Variants in SEMA6D observed in about 807,000 individuals in gnomAD.
SEMA6D encodes the protein semaphorin 6D.
In SEMA6D, 35 loss-of-function variants were observed where a neutral mutation model predicts 106.6. The ratio of observed to expected loss-of-function variants is 0.33; its 90% CI spans 0.25 to 0.44. The LOEUF is 0.44. Ranked by LOEUF, SEMA6D falls within the 20% of genes least tolerant of loss-of-function variation. The pLI is 1.00. For missense variants in SEMA6D, 1,185 were observed against 1,345.9 expected, an observed-to-expected ratio of 0.88 and a Z score of 1.87; for synonymous variants, 499 against 487.7, an observed-to-expected ratio of 1.02 and a Z score of -0.31.
intron 1 of SEMA6D, among the ~76,000 whole-genome samples, chr15:47,410,610 T>G (rs1395476650): frequency 6.6e-6 from 1 of 152,164 alleles, no homozygotes; most frequent in Non-Finnish European, 1.5e-5. Flanking sequence ...CCTCTACTAA[T>G]TAGTTATTGA....
intron 3 of SEMA6D, among the ~76,000 whole-genome samples, chr15:47,470,932 T>C (rs893542265): frequency 6.6e-6 from 1 of 152,200 alleles, no homozygotes; most frequent in Admixed American, 6.5e-5. Context: ...TCCCAAATTT[T>C]ATTCAATGTA....
intron 2 of SEMA6D, among the ~76,000 whole-genome samples, chr15:47,441,481 A>C (rs2041880512): frequency 1.3e-5 from 2 of 152,098 alleles, no homozygotes; most frequent in Non-Finnish European, 2.9e-5. Context: ...TGACTGTAAA[A>C]GAATGTAGAC....
At chr15:47,367,723 CACACAG>C (rs1472930636) in intron 1 of SEMA6D, among the ~76,000 whole-genome samples, 910 of 21,942 alleles carry the variant, frequency 0.041, 13 homozygotes, top group African/African-American at 0.083. Flanking sequence ...CACACACACA[CACACAG>C]AGAGAGAGAA....
chr15:47,639,478 G>T (rs1031963810), intron 4 of SEMA6D, among the ~76,000 whole-genome samples: 5 of 152,180 alleles, frequency 3.3e-5, no homozygotes, highest in Non-Finnish European at 5.9e-5. Context: ...ATTAATGGAG[G>T]TTCTCCACCC....
At chr15:47,286,926 A>G (rs2035388938) in intron 1 of SEMA6D, among the ~76,000 whole-genome samples, 1 of 152,158 alleles carries the variant, frequency 6.6e-6, no homozygotes, top group Non-Finnish European at 1.5e-5. Flanking sequence ...TCAAAAATGG[A>G]GCTATTCAAC....
At chr15:47,483,375 T>A (rs1047299291) in intron 3 of SEMA6D, among the ~76,000 whole-genome samples, 1 of 151,980 alleles carries the variant, frequency 6.6e-6, no homozygotes, top group East Asian at 1.9e-4. Flanking sequence ...GAAAGGAAAA[T>A]TTAGGTAGTG....
intron 1 of SEMA6D, among the ~76,000 whole-genome samples, chr15:47,200,226 C>T (rs990597443): frequency 6.6e-6 from 1 of 152,110 alleles, no homozygotes; most frequent in East Asian, 1.9e-4. Context: ...TGATTTAGCT[C>T]CCCTTGCTTC....
At chr15:47,391,812 A>C (rs1339798040) in intron 1 of SEMA6D, among the ~76,000 whole-genome samples, 1 of 152,158 alleles carries the variant, frequency 6.6e-6, no homozygotes, top group Non-Finnish European at 1.5e-5. Context: ...AAAGAAAGAC[A>C]AGTTTGATAG....
chr15:47,525,828 GTT>G (rs1280830941), intron 3 of SEMA6D, among the ~76,000 whole-genome samples: 1 of 152,104 alleles, frequency 6.6e-6, no homozygotes, highest in Non-Finnish European at 1.5e-5. Context: ...CAGATAGGCA[GTT>G]TTTTATGTCA....
At chr15:47,734,178 T>G (rs940750226) in intron 1 of SEMA6D, among the ~76,000 whole-genome samples, 1 of 152,232 alleles carries the variant, frequency 6.6e-6, no homozygotes, top group Non-Finnish European at 1.5e-5. Context: ...TCAGTCGTAG[T>G]AGTAATTTTT....
At chr15:47,363,537 C>T (rs746302460) in intron 1 of SEMA6D, among the ~76,000 whole-genome samples, 4 of 152,134 alleles carry the variant, frequency 2.6e-5, no homozygotes, top group Admixed American at 6.5e-5. Flanking sequence ...CTGTTCTCAA[C>T]TCCCAGAAAA....
intron 1 of SEMA6D, among the ~76,000 whole-genome samples, chr15:47,412,092 CA>C (rs1347829583): frequency 6.6e-6 from 1 of 151,962 alleles, no homozygotes; most frequent in Non-Finnish European, 1.5e-5. Flanking sequence ...GTCCTGATTG[CA>C]GTTTATTAAA....
In SEMA6D at chr15:47,248,950, A is replaced by G. The variant is rs186473976; in HGVS notation, c.-239+64532A>G. ...GCTTCAGTTAACAGTGGACTAGGCCAGGCACGGTGGCTCACACCTGTAATC... is the reference window on the plus strand; with the variant it reads ...GCTTCAGTTAACAGTGGACTAGGCCGGGCACGGTGGCTCACACCTGTAATC... On this transcript the variant is annotated intron_variant, in intron 1 of 19. Coordinates refer to the SEMA6D transcript ENST00000558014. Among the ~76,000 whole-genome samples the G allele has an allele frequency of 4.0e-3, 610 of 152,242 alleles. 19 individuals are homozygous for G. Among genetic ancestry groups the G allele is most frequent in the Admixed American group, 0.035 (536 of 15,288 alleles).
chr15:47,628,674 A>G lies in SEMA6D; in HGVS notation c.-55+27778A>G, dbSNP rs541857183. On this transcript the variant is annotated intron_variant, in intron 4 of 19. Transcript: ENST00000558014. ...GTCCTTTGTCAGTTGTATGTATTGC[A>G]AATATTTTCTCCCAGTCTATAACTT... Among the ~76,000 whole-genome samples, 3 of 152,150 alleles carry G rather than the reference A, an allele frequency of 2.0e-5. No individual in the cohort carries two copies. The East Asian group carries it at 5.8e-4, about 29-fold the overall frequency.
rs982761911 is a variant in SEMA6D at position 47,628,721 on chromosome 15, G to C, written c.-55+27825G>C. ...ACTTGTCTTTTCATCCTCTGTACAAGGTCTTTTGCAGAGCAAAGCCTTTTA... is the reference window on the plus strand; with the variant it reads ...ACTTGTCTTTTCATCCTCTGTACAACGTCTTTTGCAGAGCAAAGCCTTTTA... On this transcript the variant is annotated intron_variant, in intron 4 of 19. Transcript: ENST00000558014. Among the ~76,000 whole-genome samples the C allele has an allele frequency of 7.2e-5, 11 of 151,986 alleles. No individual in the cohort carries two copies. The East Asian group carries it at 2.1e-3, about 29-fold the overall frequency.
At chr15:47,609,995 A>T (rs1286728381) in intron 4 of SEMA6D, among the ~76,000 whole-genome samples, 1 of 152,168 alleles carries the variant, frequency 6.6e-6, no homozygotes, top group East Asian at 1.9e-4. Context: ...CAGCCTGGTC[A>T]TTATCTCCTG....
At chr15:47,390,509 T>G (rs2039989662) in intron 1 of SEMA6D, among the ~76,000 whole-genome samples, 1 of 152,132 alleles carries the variant, frequency 6.6e-6, no homozygotes, top group African/African-American at 2.4e-5. Context: ...CTAAAAGTAA[T>G]CCACCACATA....
intron 1 of SEMA6D, among the ~76,000 whole-genome samples, chr15:47,289,896 G>A (rs1259843971): frequency 6.6e-6 from 1 of 151,702 alleles, no homozygotes; most frequent in African/African-American, 2.4e-5. Flanking sequence ...ATGCTTGAGG[G>A]GTGGGGAGTG....
intron 1 of SEMA6D, among the ~76,000 whole-genome samples, chr15:47,252,453 T>G (rs1479467126): frequency 6.6e-6 from 1 of 152,154 alleles, no homozygotes; most frequent in Non-Finnish European, 1.5e-5. Context: ...CACACTGTTA[T>G]GAGCTGTACT....
Sources: allele counts gnomAD v4.1 joint callset (sites outside exome capture counted in the v4.1 genomes callset), GRCh38; gene constraint gnomAD v4.1.1; transcripts MANE v1.5; gene names NCBI Gene and HGNC (gene_info 2026-07-23, HGNC 2026-07-21).